Variants in DLEU7 observed in about 807,000 individuals in gnomAD.
The protein encoded by DLEU7 is leukemia-associated protein 7.
A neutral mutation model predicts 16.0 loss-of-function variants in DLEU7; 17 were observed. The ratio of observed to expected loss-of-function variants is 1.06; its 90% CI spans 0.73 to 1.59. DLEU7 has a LOEUF of 1.59. Among genes scored for constraint, DLEU7 ranks in the 40% most tolerant of loss-of-function variants. DLEU7 has a pLI of 0.00. For synonymous variants in DLEU7, 113 were observed against 139.8 expected (o/e 0.81, Z 1.35); for missense variants, 308 against 314.9 (o/e 0.98, Z 0.17).
intron 1 of DLEU7, among the ~76,000 whole-genome samples, chr13:50,841,931 C>G (rs1877676398): frequency 6.6e-6 from 1 of 151,930 alleles, no homozygotes; most frequent in Non-Finnish European, 1.5e-5. Context: ...TCTCATCTTG[C>G]CTCCCACCCC....
chr13:50,727,576 T>C (rs1003736230), intron 1 of DLEU7, among the ~76,000 whole-genome samples: 16 of 152,130 alleles, frequency 1.1e-4, no homozygotes, highest in African/African-American at 3.4e-4. Flanking sequence ...CCCATCATTC[T>C]CACCTGACTC....
At chr13:50,794,529 G>T (rs7332313) in intron 1 of DLEU7, among the ~76,000 whole-genome samples, 63,993 of 151,990 alleles carry the variant, frequency 0.42, 13,778 homozygotes, top group African/African-American at 0.52. Context: ...ACTTCAGGTT[G>T]CCAGGCTGCC....
At chr13:50,762,189 CAAAAAAA>C (rs71085045) in intron 1 of DLEU7, among the ~76,000 whole-genome samples, 2 of 84,292 alleles carry the variant, frequency 2.4e-5, no homozygotes, top group Non-Finnish European at 4.6e-5. Context: ...AGACTCGTCT[CAAAAAAA>C]AAAAAAAAAA....
At chr13:50,747,964 G>T (rs954865317) in intron 1 of DLEU7, among the ~76,000 whole-genome samples, 1 of 152,186 alleles carries the variant, frequency 6.6e-6, no homozygotes, top group Non-Finnish European at 1.5e-5. Flanking sequence ...GCTCTGAAAG[G>T]CCTAAAGACA....
chr13:50,785,123 G>T lies in DLEU7; in HGVS notation c.459+58065C>A, dbSNP rs376096211. 3.3e-5 allele frequency among the ~76,000 whole-genome samples: 5 copies of T among 152,070 alleles called. No individual in the cohort carries two copies. In the South Asian group the frequency reaches 6.2e-4, roughly 19 times the overall value. The stretch of plus-strand genomic sequence containing the variant: ...ATGGCCTGGGTTAATGTTCCTTCCT[G>T]CTGACTTAAGCTGAGGAGTAACTTA... On this transcript the variant is annotated intron_variant, in intron 1 of 1. Coordinates refer to the DLEU7 transcript ENST00000400393.
chr13:50,766,452 G>C (rs1875112434), intron 1 of DLEU7, among the ~76,000 whole-genome samples: 3 of 147,744 alleles, frequency 2.0e-5, no homozygotes, highest in Non-Finnish European at 4.5e-5. Flanking sequence ...AGAATAAATG[G>C]TCTCTTTCCT....
intron 1 of DLEU7, among the ~76,000 whole-genome samples, chr13:50,817,091 T>C (rs1371644271): frequency 6.6e-6 from 1 of 152,142 alleles, no homozygotes; most frequent in East Asian, 1.9e-4. Flanking sequence ...GATACCCTTA[T>C]GCTCCATAGG....
At chr13:50,748,338 A>G (rs1874463535) in intron 1 of DLEU7, among the ~76,000 whole-genome samples, 2 of 147,654 alleles carry the variant, frequency 1.4e-5, no homozygotes, top group African/African-American at 2.5e-5. Flanking sequence ...CAGGGCCCCA[A>G]TAGCACTTCT....
chr13:50,732,606 C>CAAAAAAAAAAA (rs58395582), intron 1 of DLEU7, among the ~76,000 whole-genome samples: 1,316 of 65,888 alleles, frequency 0.02, 157 homozygotes, highest in African/African-American at 0.033. Context: ...GACTCCATCT[C>CAAAAAAAAAAA]AAAAAAAAAA....
At position 50,791,395 on chromosome 13, in the gene DLEU7, C is replaced by T. The variant is rs558726926; in HGVS notation, c.459+51793G>A. On this transcript the variant is annotated intron_variant, in intron 1 of 1. Transcript: ENST00000400393. The stretch of plus-strand genomic sequence containing the variant: ...GGGATGTGGGTGGTGAGACTTGGGC[C>T]TTCAGCAGCTGCAGGTGGGTGAGAA... 1.2e-4 allele frequency among the ~76,000 whole-genome samples: 18 copies of T among 152,290 alleles called. No individual in the cohort carries two copies. The South Asian group carries it at 3.3e-3, about 28-fold the overall frequency.
chr13:50,765,550 G>T (rs917217434), intron 1 of DLEU7, among the ~76,000 whole-genome samples: 1 of 151,970 alleles, frequency 6.6e-6, no homozygotes, highest in African/African-American at 2.4e-5. Flanking sequence ...GCAATAATCA[G>T]GCCCTGGGGG....
intron 1 of DLEU7, among the ~76,000 whole-genome samples, chr13:50,755,351 A>G (rs1026653438): frequency 6.6e-6 from 1 of 152,210 alleles, no homozygotes; most frequent in Non-Finnish European, 1.5e-5. Flanking sequence ...GTTGTTTAAC[A>G]TAATCCCAGA....
At chr13:50,737,851 G>A (rs978544094) in intron 1 of DLEU7, among the ~76,000 whole-genome samples, 1 of 152,040 alleles carries the variant, frequency 6.6e-6, no homozygotes, top group Non-Finnish European at 1.5e-5. Context: ...GTAAAAGCTA[G>A]CCATGATTAA....
At chr13:50,765,712 G>C (rs1875082483) in intron 1 of DLEU7, among the ~76,000 whole-genome samples, 2 of 151,970 alleles carry the variant, frequency 1.3e-5, no homozygotes, top group African/African-American at 4.8e-5. Context: ...TGAAAGTTAA[G>C]CTTAGTTCAG....
At chr13:50,724,094 A>G (rs1021433219) in intron 1 of DLEU7, among the ~76,000 whole-genome samples, 1 of 152,122 alleles carries the variant, frequency 6.6e-6, no homozygotes, top group Non-Finnish European at 1.5e-5. Context: ...ATTATGAGGT[A>G]CAGATGGTCA....
intron 1 of DLEU7, among the ~76,000 whole-genome samples, chr13:50,723,996 C>T (rs1400725589): frequency 6.6e-6 from 1 of 151,764 alleles, no homozygotes; most frequent in Non-Finnish European, 1.5e-5. Flanking sequence ...CTTTTTGTTT[C>T]TCTGTGTTTT....
intron 1 of DLEU7, among the ~76,000 whole-genome samples, chr13:50,763,060 G>A (rs1473960681): frequency 1.3e-5 from 2 of 152,166 alleles, no homozygotes; most frequent in Admixed American, 6.5e-5. Flanking sequence ...TGGGAAGGCA[G>A]CTGCCTGGCA....
chr13:50,814,707 T>G (rs1445414888), intron 1 of DLEU7, among the ~76,000 whole-genome samples: 1 of 120,664 alleles, frequency 8.3e-6, no homozygotes. Context: ...ACACACACAC[T>G]CGCATGAAAA....
rs114340800 is a variant in DLEU7 at position 50,793,803 on chromosome 13, T to C, written c.459+49385A>G. On this transcript the variant is annotated intron_variant, in intron 1 of 1. Coordinates refer to the DLEU7 transcript ENST00000400393. The stretch of plus-strand genomic sequence containing the variant: ...GTATTTTCTCCCATTCTGTAGGGTG[T>C]CTGTTTACTTCTTTGATAGTTTCTC... Among the ~76,000 whole-genome samples, 208 of 152,320 alleles carry C rather than the reference T, an allele frequency of 1.4e-3. 1 individual carries two copies. Among genetic ancestry groups the C allele is most frequent in the African/African-American group, 4.7e-3 (195 of 41,574 alleles).
Sources: allele counts gnomAD v4.1 joint callset (sites outside exome capture counted in the v4.1 genomes callset), GRCh38; gene constraint gnomAD v4.1.1; transcripts MANE v1.5; gene names NCBI Gene and HGNC (gene_info 2026-07-23, HGNC 2026-07-21).